CTNNB1: variants seen among roughly 807,000 people sequenced by gnomAD.
The protein encoded by CTNNB1 is catenin beta 1, also known as catenin beta-1.
CTNNB1 carries 6 observed loss-of-function variants against 82.5 expected under a neutral mutation model. That is an observed-to-expected ratio of 0.07 (90% CI 0.04 to 0.14). The LOEUF is 0.14. Ranked by LOEUF, CTNNB1 falls within the 10% of genes least tolerant of loss-of-function variation. The pLI is 1.00. For missense variants in CTNNB1, 529 were observed against 980.4 expected, an observed-to-expected ratio of 0.54 and a Z score of 6.15; for synonymous variants, 312 against 329.7, an observed-to-expected ratio of 0.95 and a Z score of 0.58.
rs771237255 is a variant in CTNNB1 at position 41,227,169 on chromosome 3, A to C, written c.937-39A>C. On this transcript the variant is annotated intron_variant, in intron 6 of 14. Coordinates refer to ENST00000349496, the MANE Select transcript of CTNNB1 (RefSeq NM_001904.4). ...GGCTCTTCTCAGACATGTGATCAAGATTCCTTGACTAACAAGATATATATA... is the reference window on the plus strand; with the variant it reads ...GGCTCTTCTCAGACATGTGATCAAGCTTCCTTGACTAACAAGATATATATA... 3 of 1,548,810 alleles carry C rather than the reference A, an allele frequency of 1.9e-6. No individual in the cohort carries two copies. The Admixed American group carries it at 5.0e-5, about 26-fold the overall frequency.
chr3:41,203,779 C>G (rs2077587256), intron 1 of CTNNB1, among the ~76,000 whole-genome samples: 1 of 152,092 alleles, frequency 6.6e-6, no homozygotes, highest in African/African-American at 2.4e-5. Context: ...CTCCTATGTT[C>G]ATGGTTTTTC....
chr3:41,237,773 TTAATA>T (rs1185869029), intron 13 of CTNNB1: 2 of 512,134 alleles, frequency 3.9e-6, no homozygotes, highest in Admixed American at 3.2e-5. Flanking sequence ...TAATAGGTGC[TTAATA>T]TAATATTTGT....
intron 2 of CTNNB1, 120 bp downstream of exon 2, chr3:41,224,201 C>G: frequency 1.6e-6 from 2 of 1,239,114 alleles, no homozygotes; most frequent in Non-Finnish European, 2.4e-6. Context: ...CTACCTTTTG[C>G]TCCATTTTCT....
chr3:41,210,086 A>C (rs978178878), intron 1 of CTNNB1, among the ~76,000 whole-genome samples: 1 of 152,202 alleles, frequency 6.6e-6, no homozygotes, highest in Non-Finnish European at 1.5e-5. Context: ...GCTGTACAAA[A>C]ATTTTCTTTA....
At chr3:41,218,251 C>T (rs1405637293) in intron 1 of CTNNB1, among the ~76,000 whole-genome samples, 2 of 152,114 alleles carry the variant, frequency 1.3e-5, no homozygotes, top group African/African-American at 4.8e-5. Flanking sequence ...GAAATTGCCA[C>T]ATTATATCTG....
In CTNNB1 at chr3:41,225,480, C is replaced by G. The variant is rs3856747; in HGVS notation, c.642C>G (p.Thr214=). ...NTNDVETARC[T]AGTLHNLSHH... ...ATGATGTAGAAACAGCTCGTTGTAC[C>G]GCTGGGACCTTGCATAACCTTTCCC... Residue 214 remains threonine, a synonymous_variant, in exon 5 of 15, where the codon ACC becomes ACG. Transcript: ENST00000349496. The surrounding 1 kb of genome is among the most constrained non-coding windows in gnomAD (Gnocchi z 5.3). The G allele has an allele frequency of 3.0e-4, 488 of 1,613,940 alleles. 2 individuals are homozygous for G. The African/African-American group carries it at 5.0e-3, about 17-fold the overall frequency.
chr3:41,215,011 C>G (rs908778144), intron 1 of CTNNB1, among the ~76,000 whole-genome samples: 1 of 151,996 alleles, frequency 6.6e-6, no homozygotes. Flanking sequence ...AAAAAGTTTC[C>G]TGAACCTTAT....
At chr3:41,207,452 C>T (rs905761331) in intron 1 of CTNNB1, among the ~76,000 whole-genome samples, 1 of 152,156 alleles carries the variant, frequency 6.6e-6, no homozygotes, top group Non-Finnish European at 1.5e-5. Context: ...CCCTTTTCTC[C>T]TGAACTTCCC....
At chr3:41,217,241 C>T (rs2077934899) in intron 1 of CTNNB1, among the ~76,000 whole-genome samples, 1 of 152,184 alleles carries the variant, frequency 6.6e-6, no homozygotes, top group Non-Finnish European at 1.5e-5. Context: ...GATGAAATGT[C>T]TCTTCCTCAC....
chr3:41,232,019 A>G (rs993621098), intron 7 of CTNNB1, among the ~76,000 whole-genome samples: 1 of 152,218 alleles, frequency 6.6e-6, no homozygotes, highest in African/African-American at 2.4e-5. Flanking sequence ...CTGGAAATGT[A>G]TGATACTAGA....
chr3:41,209,802 C>T (rs1444585139), intron 1 of CTNNB1, among the ~76,000 whole-genome samples: 1 of 152,024 alleles, frequency 6.6e-6, no homozygotes, highest in Non-Finnish European at 1.5e-5. Flanking sequence ...CTGTATAAGG[C>T]AGTTGTGATG....
chr3:41,213,081 C>T (rs375378228), intron 1 of CTNNB1, among the ~76,000 whole-genome samples: 5 of 152,190 alleles, frequency 3.3e-5, no homozygotes, highest in Non-Finnish European at 7.4e-5. Context: ...TTCAGTGTCA[C>T]GTAGAACAGA....
intron 1 of CTNNB1, among the ~76,000 whole-genome samples, chr3:41,213,305 T>G (rs1399149930): frequency 2.0e-5 from 3 of 152,260 alleles, no homozygotes; most frequent in Non-Finnish European, 4.4e-5. Context: ...CTGGCCCTTT[T>G]GCATCCTTCT....
At chr3:41,207,616 T>A (rs147467729) in intron 1 of CTNNB1, among the ~76,000 whole-genome samples, 3 of 152,242 alleles carry the variant, frequency 2.0e-5, no homozygotes, top group African/African-American at 7.2e-5. Flanking sequence ...ATTGTTACTT[T>A]AGTTACACTG....
chr3:41,239,074 T>G, intron 14 of CTNNB1, 60 bp from the exon 15 acceptor site: 3 of 1,398,362 alleles, frequency 2.1e-6, no homozygotes, highest in Admixed American at 1.7e-5. Flanking sequence ...TATGTCTGCT[T>G]CTCTCCTCTC....
In CTNNB1 at chr3:41,227,367, C is replaced by G. The variant is rs772648904; in HGVS notation, c.1081+15C>G. 1 of 1,613,216 alleles carries G rather than the reference C, an allele frequency of 6.2e-7. No individual in the cohort carries two copies. Among genetic ancestry groups the G allele is most frequent in the Non-Finnish European group, 8.5e-7 (1 of 1,179,310 alleles). On this transcript the variant is annotated intron_variant, in intron 7 of 14. Coordinates refer to ENST00000349496, the MANE Select transcript of CTNNB1 (RefSeq NM_001904.4). ...TGTAGAAGCTGGTAAGTATATGTAT[C>G]TATTCTGAGTCTTGTGTATAGCATC...
chr3:41,236,858 C>G (rs1180161555), intron 13 of CTNNB1, 149 bp downstream of exon 13: 1 of 965,238 alleles, frequency 1.0e-6, no homozygotes, highest in Non-Finnish European at 1.6e-6. Flanking sequence ...CTAGCAACTG[C>G]TCTGAGGAAG....
At chr3:41,223,303 C>T (rs994288407) in intron 1 of CTNNB1, among the ~76,000 whole-genome samples, 19 of 151,448 alleles carry the variant, frequency 1.3e-4, no homozygotes, top group Admixed American at 9.9e-4. Flanking sequence ...AGGCAAAATA[C>T]GGACAAATTA....
At chr3:41,227,083 A>G in intron 6 of CTNNB1, 125 bp from the exon 7 acceptor site, 1 of 804,494 alleles carries the variant, frequency 1.2e-6, no homozygotes, top group Non-Finnish European at 2.1e-6. Flanking sequence ...GTCCAGGAAT[A>G]CATTTAGGTC....
Sources: gnomAD v4.1 joint callset for allele counts (sites outside exome capture counted in the v4.1 genomes callset) on GRCh38, gnomAD v4.1.1 for gene constraint, Gnocchi (gnomAD v3.1) non-coding constraint, MANE v1.5 for transcripts, NCBI Gene and HGNC (gene_info 2026-07-23, HGNC 2026-07-21) for gene names.